FAT4: variants seen among roughly 807,000 people sequenced by gnomAD.
FAT4 encodes FAT atypical cadherin 4.
Under a neutral mutation model 303.9 loss-of-function variants are expected in FAT4, and 84 were observed. That is an observed-to-expected ratio of 0.28 (90% CI 0.23 to 0.33). The LOEUF (loss-of-function observed/expected upper bound fraction) is 0.33, where lower values mean the gene tolerates loss of function less well. FAT4 is among the 10% of genes least tolerant of loss of function. FAT4 has a pLI of 1.00. For synonymous variants in FAT4, 2,307 were observed against 2,298.8 expected (o/e 1.00, Z -0.10); for missense variants, 6,005 against 6,146.8 (o/e 0.98, Z 0.77).
chr4:125,377,350 A>G (rs1426380649), intron 2 of FAT4, among the ~76,000 whole-genome samples: 1 of 152,106 alleles, frequency 6.6e-6, no homozygotes, highest in Non-Finnish European at 1.5e-5. Flanking sequence ...ACAAAAAGCT[A>G]TTCACTGAAA....
chr4:125,355,981 T>C (rs898630021), intron 2 of FAT4, among the ~76,000 whole-genome samples: 1 of 151,990 alleles, frequency 6.6e-6, no homozygotes, highest in Non-Finnish European at 1.5e-5. Context: ...GCTGTTTGGA[T>C]CATGTTTTTT....
rs2125941829 is a variant in FAT4, at chr4:125,318,912, A to T, written c.2501A>T (p.Asp834Val). The change falls in exon 2 of 18, where the codon GAT becomes GTT. Residue 834 changes from aspartate to valine, a missense_variant. Asp to Val is a radical substitution (Grantham distance 152). Coordinates refer to ENST00000394329, the MANE Select transcript of FAT4 (RefSeq NM_001291303.3). ...SNISYLITTG[D>V]QKGMFAINQV... ...ATCAGTTATCTCATTACTACTGGGG[A>T]TCAGAAAGGTATGTTTGCTATCAAC... 6.2e-7 allele frequency: 1 copy of T among 1,614,114 alleles called. No homozygotes were observed. Among genetic ancestry groups the T allele is most frequent in the East Asian group, 2.2e-5 (1 of 44,868 alleles).
In FAT4 at chr4:125,430,588, G is replaced by T. The variant is rs370886512; in HGVS notation, c.7019-3657G>T. 6.8e-4 allele frequency among the ~76,000 whole-genome samples: 103 copies of T among 152,126 alleles called. 3 individuals are homozygous for T. The South Asian group carries it at 0.021, about 30-fold the overall frequency. On this transcript the variant is annotated intron_variant, in intron 7 of 17. Transcript: ENST00000394329. ...AAAATTTTTAAAACTAACAAGACTT[G>T]TGTGCACATTTCCTGGGGTAATAAG... is the stretch of plus-strand genomic sequence containing the variant.
chr4:125,489,993 G>T lies in FAT4; in HGVS notation c.13177G>T (p.Asp4393Tyr). 6.2e-7 allele frequency: 1 copy of T among 1,613,806 alleles called. No individual in the cohort carries two copies. Among genetic ancestry groups the T allele is most frequent in the Non-Finnish European group, 8.5e-7 (1 of 1,179,984 alleles). The stretch of plus-strand genomic sequence containing the variant: ...TAGCTTGGCCTCCATCTCAAAAACA[G>T]ATCCCTCAGTGAAGATTGGCTGCCG... ...KHSLASISKT[D>Y]PSVKIGCRGP... Residue 4393 changes from aspartate to tyrosine, a missense_variant, in exon 18 of 18, where the codon GAT becomes TAT. Physicochemically the swap from Asp to Tyr is radical, Grantham distance 160 (BLOSUM62 -3). Transcript: ENST00000394329.
At chr4:125,433,377 G>T (rs1474823972) in intron 7 of FAT4, among the ~76,000 whole-genome samples, 1 of 152,126 alleles carries the variant, frequency 6.6e-6, no homozygotes, top group Non-Finnish European at 1.5e-5. Context: ...GCAGTTAAAT[G>T]GATCTTCATT....
rs1734726577 is a variant in FAT4, at chr4:125,408,741, A to C, written c.5867A>C (p.Asn1956Thr). ...LNSYSTSLME[N>T]LPVGSTVLVF... ...TCATACAGCACATCTTTAATGGAGA[A>C]TCTACCTGTGGGATCTACTGTTCTT... The change falls in exon 5 of 18, where the codon AAT becomes ACT. Residue 1956 changes from asparagine (N) to threonine (T), a missense_variant. By Grantham distance (65) the Asn-to-Thr change is moderately conservative. Coordinates refer to ENST00000394329, the MANE Select transcript of FAT4 (RefSeq NM_001291303.3). The C allele has an allele frequency of 1.2e-6, 2 of 1,607,354 alleles. No individual in the cohort carries two copies. Among genetic ancestry groups the C allele is most frequent in the East Asian group, 2.2e-5 (1 of 44,744 alleles).
intron 2 of FAT4, among the ~76,000 whole-genome samples, chr4:125,325,310 A>G (rs1385777703): frequency 6.6e-6 from 1 of 152,168 alleles, no homozygotes; most frequent in Non-Finnish European, 1.5e-5. Flanking sequence ...GTAACTGATA[A>G]GGAATTTATC....
intron 7 of FAT4, among the ~76,000 whole-genome samples, chr4:125,419,662 GTC>G (rs1735211393): frequency 6.6e-6 from 1 of 152,036 alleles, no homozygotes. Context: ...CAATAACTTG[GTC>G]TCTGTCCATT....
intron 2 of FAT4, among the ~76,000 whole-genome samples, chr4:125,377,128 G>T (rs1480712989): frequency 6.6e-6 from 1 of 152,042 alleles, no homozygotes; most frequent in East Asian, 1.9e-4. Flanking sequence ...AAATGACACA[G>T]ATGTCATAGA....
chr4:125,325,238 A>AT lies in FAT4; in HGVS notation c.5175+3661dup, dbSNP rs930960913. The stretch of plus-strand genomic sequence containing the variant: ...ATACATTTATCTCGCATTCGTAATG[A>AT]TTTTTTTTTACCTATTCCTGATTTA... On this transcript the variant is annotated intron_variant, in intron 2 of 17. Transcript: ENST00000394329. 4.0e-4 allele frequency among the ~76,000 whole-genome samples: 61 copies of AT among 151,606 alleles called. No individual in the cohort carries two copies. The South Asian group carries it at 5.4e-3, about 13-fold the overall frequency.
chr4:125,400,575 A>G (rs533327150), intron 3 of FAT4, among the ~76,000 whole-genome samples: 4 of 152,016 alleles, frequency 2.6e-5, no homozygotes, highest in African/African-American at 9.6e-5. Flanking sequence ...CATTGCCTCC[A>G]AGTTCATCTT....
At chr4:125,374,359 A>T (rs1733236383) in intron 2 of FAT4, among the ~76,000 whole-genome samples, 2 of 152,200 alleles carry the variant, frequency 1.3e-5, no homozygotes, top group Non-Finnish European at 2.9e-5. Context: ...TAAAATGATG[A>T]AGCATCAGTG....
intron 2 of FAT4, among the ~76,000 whole-genome samples, chr4:125,361,057 A>G (rs1188100800): frequency 1.3e-5 from 2 of 150,442 alleles, no homozygotes; most frequent in African/African-American, 4.9e-5. Flanking sequence ...TTTCAAATAC[A>G]TTTTATTAAA....
chr4:125,352,107 T>C (rs1732247702), intron 2 of FAT4, among the ~76,000 whole-genome samples: 3 of 151,724 alleles, frequency 2.0e-5, no homozygotes, highest in South Asian at 4.1e-4. Flanking sequence ...GTTTCAAGTA[T>C]ATACTAATTT....
intron 2 of FAT4, among the ~76,000 whole-genome samples, chr4:125,372,918 T>C (rs1020526714): frequency 3.3e-5 from 5 of 152,204 alleles, no homozygotes; most frequent in African/African-American, 1.2e-4. Flanking sequence ...ACTAACAGTC[T>C]ATGCTCTCAT....
chr4:125,396,615 A>G (rs1208434362), intron 2 of FAT4, among the ~76,000 whole-genome samples: 2 of 152,102 alleles, frequency 1.3e-5, no homozygotes, highest in Non-Finnish European at 2.9e-5. Context: ...CATTTACAAA[A>G]TCATACATGC....
At chr4:125,485,718 A>G (rs1424635508) in intron 16 of FAT4, among the ~76,000 whole-genome samples, 4 of 152,186 alleles carry the variant, frequency 2.6e-5, no homozygotes, top group African/African-American at 9.7e-5. Flanking sequence ...AAATGCATAA[A>G]CCACTAATAT....
chr4:125,395,189 C>T (rs1435282110), intron 2 of FAT4, among the ~76,000 whole-genome samples: 3 of 152,090 alleles, frequency 2.0e-5, no homozygotes, highest in Non-Finnish European at 4.4e-5. Flanking sequence ...GATAACTTTG[C>T]CAAACCATGC....
chr4:125,422,916 G>A (rs1724955936), intron 7 of FAT4, among the ~76,000 whole-genome samples: 1 of 152,190 alleles, frequency 6.6e-6, no homozygotes, highest in African/African-American at 2.4e-5. Flanking sequence ...GGTGGTCACA[G>A]ATGGAGATGA....
Sources: allele counts gnomAD v4.1 joint callset (sites outside exome capture counted in the v4.1 genomes callset), GRCh38; gene constraint gnomAD v4.1.1; transcripts MANE v1.5; gene names NCBI Gene and HGNC (gene_info 2026-07-23, HGNC 2026-07-21).